MORN1: variants seen among roughly 807,000 people sequenced by gnomAD.
The protein encoded by MORN1 is MORN repeat containing 1.
In MORN1, 67 loss-of-function variants were observed where a neutral mutation model predicts 61.9. That is an observed-to-expected ratio of 1.08 (90% CI 0.89 to 1.33). MORN1 has a LOEUF of 1.33. MORN1 is among the 40% of genes most tolerant of loss of function. MORN1 has a pLI of 0.00. For synonymous variants in MORN1, 301 were observed against 292.0 expected (o/e 1.03, Z -0.31); for missense variants, 752 against 691.2 (o/e 1.09, Z -0.99).
At chr1:2,354,385 C>T (rs1239747527) in intron 10 of MORN1, among the ~76,000 whole-genome samples, 1 of 151,474 alleles carries the variant, frequency 6.6e-6, no homozygotes, top group African/African-American at 2.4e-5. Flanking sequence ...GGCAACATGG[C>T]GAGGCCCTGT....
At chr1:2,389,104 C>T (rs1240331457) in intron 2 of MORN1, among the ~76,000 whole-genome samples, 1 of 138,520 alleles carries the variant, frequency 7.2e-6, no homozygotes, top group Non-Finnish European at 1.5e-5. Context: ...AAGAGCAAAA[C>T]TCTGTCTCCA....
chr1:2,342,248 T>C (rs1243610928), intron 10 of MORN1, among the ~76,000 whole-genome samples: 1 of 152,140 alleles, frequency 6.6e-6, no homozygotes, highest in Non-Finnish European at 1.5e-5. Context: ...TCAATTAGAC[T>C]CCCTAGTCAC....
intron 10 of MORN1, chr1:2,355,064 G>A (rs1641731080): frequency 2.9e-6 from 2 of 698,802 alleles, no homozygotes; most frequent in Non-Finnish European, 3.5e-6. Flanking sequence ...CCAGACTCAG[G>A]CAGTGGGGCC....
At chr1:2,324,702 C>T (rs1021701167) in intron 12 of MORN1, among the ~76,000 whole-genome samples, 4 of 152,118 alleles carry the variant, frequency 2.6e-5, no homozygotes, top group East Asian at 3.9e-4. Context: ...GGGGTCCTGC[C>T]GGGGCCTCCC....
intron 8 of MORN1, among the ~76,000 whole-genome samples, chr1:2,370,064 G>C (rs1003099984): frequency 1.3e-5 from 2 of 152,178 alleles, no homozygotes; most frequent in Non-Finnish European, 2.9e-5. Flanking sequence ...AACAAAACTG[G>C]AGGACTCTCC....
At chr1:2,350,151 C>T (rs1641613883) in intron 10 of MORN1, among the ~76,000 whole-genome samples, 1 of 152,186 alleles carries the variant, frequency 6.6e-6, no homozygotes, top group South Asian at 2.1e-4. Context: ...GGTTAAGAGA[C>T]TAAATATAAA....
At chr1:2,340,026 G>A (rs748763192) in intron 10 of MORN1, among the ~76,000 whole-genome samples, 41 of 152,234 alleles carry the variant, frequency 2.7e-4, no homozygotes, top group Admixed American at 1.6e-3. Flanking sequence ...CCAAGGCTGC[G>A]CCTGGGCTCT....
At chr1:2,337,000 G>A (rs894339428) in intron 10 of MORN1, 150 bp from the exon 11 acceptor site, 25 of 940,748 alleles carry the variant, frequency 2.7e-5, no homozygotes, top group Non-Finnish European at 3.5e-5. Context: ...AGGTCAGGGG[G>A]CAGGGACTGT....
At chr1:2,388,756 CGACAG>C (rs1642566072) in intron 2 of MORN1, among the ~76,000 whole-genome samples, 2 of 117,572 alleles carry the variant, frequency 1.7e-5, no homozygotes, top group Middle Eastern at 8.1e-3. Context: ...CCAGCCTGGG[CGACAG>C]AGCAAGACTG....
intron 6 of MORN1, among the ~76,000 whole-genome samples, chr1:2,383,470 C>T (rs1642417031): frequency 6.6e-6 from 1 of 152,212 alleles, no homozygotes; most frequent in Non-Finnish European, 1.5e-5. Context: ...GTTCCAGGGA[C>T]CATTCTCTCC....
At chr1:2,388,757 G>A (rs142614548) in intron 2 of MORN1, among the ~76,000 whole-genome samples, 3,981 of 124,988 alleles carry the variant, frequency 0.032, 108 homozygotes, top group Non-Finnish European at 0.04. Context: ...CAGCCTGGGC[G>A]ACAGAGCAAG....
intron 10 of MORN1, among the ~76,000 whole-genome samples, chr1:2,341,124 G>A (rs1047405082): frequency 6.6e-6 from 1 of 152,280 alleles, no homozygotes; most frequent in Non-Finnish European, 1.5e-5. Flanking sequence ...TCCTCCCGAC[G>A]GAGCCTCTCC....
At chr1:2,322,969 G>A (rs546845053) in intron 13 of MORN1, 104 of 985,458 alleles carry the variant, frequency 1.1e-4, no homozygotes, top group African/African-American at 5.4e-4. Flanking sequence ...TCGGCCATAC[G>A]TACATGGCTT....
chr1:2,322,677 C>G, intron 13 of MORN1: 1 of 985,470 alleles, frequency 1.0e-6, no homozygotes, highest in South Asian at 4.7e-5. Flanking sequence ...AGGAAGAGCC[C>G]CACATGGCAA....
chr1:2,347,104 GC>G (rs897800048), intron 10 of MORN1, among the ~76,000 whole-genome samples: 8 of 152,298 alleles, frequency 5.3e-5, no homozygotes, highest in African/African-American at 1.9e-4. Flanking sequence ...GGAACTCAAA[GC>G]ACCCTACCCA....
At chr1:2,384,246 T>G (rs1642436187) in intron 6 of MORN1, among the ~76,000 whole-genome samples, 1 of 152,184 alleles carries the variant, frequency 6.6e-6, no homozygotes, top group Non-Finnish European at 1.5e-5. Context: ...GCACCAACCT[T>G]GACTCTTCTC....
chr1:2,389,286 T>C (rs1642586275), intron 2 of MORN1, among the ~76,000 whole-genome samples: 2 of 152,210 alleles, frequency 1.3e-5, no homozygotes, highest in South Asian at 4.1e-4. Flanking sequence ...TGTTCTGTTT[T>C]GAGACGGAGT....
intron 4 of MORN1, chr1:2,387,168 G>A (rs771299992): frequency 2.7e-5 from 15 of 545,626 alleles, no homozygotes; most frequent in Non-Finnish European, 4.3e-5. Context: ...CCTAAGCCAC[G>A]GGCGTCTGTT....
intron 12 of MORN1, among the ~76,000 whole-genome samples, chr1:2,327,025 G>T (rs1163264657): frequency 6.6e-6 from 1 of 151,170 alleles, no homozygotes; most frequent in Non-Finnish European, 1.5e-5. Flanking sequence ...CACACAGAAA[G>T]ACAGAAACGA....
Sources: allele counts gnomAD v4.1 joint callset (sites outside exome capture counted in the v4.1 genomes callset), GRCh38; gene constraint gnomAD v4.1.1; transcripts MANE v1.5; gene names NCBI Gene and HGNC (gene_info 2026-07-23, HGNC 2026-07-21).